Variants in MAML2 observed in about 807,000 individuals in gnomAD.
The protein encoded by MAML2 is mastermind-like protein 2.
Under a neutral mutation model 96.1 loss-of-function variants are expected in MAML2, and 22 were observed. That is an observed-to-expected ratio of 0.23 (90% CI 0.16 to 0.33). MAML2 has a LOEUF of 0.33. MAML2 is among the 10% of genes least tolerant of loss of function. The probability of loss-of-function intolerance (pLI) is 1.00; values close to 1 mark genes in which losing one functional copy is unlikely to be tolerated. For synonymous variants in MAML2, 561 were observed against 521.3 expected (o/e 1.08, Z -1.04); for missense variants, 1,367 against 1,392.4 (o/e 0.98, Z 0.29).
intron 1 of MAML2, among the ~76,000 whole-genome samples, chr11:96,233,123 A>AGG (rs1862319200): frequency 2.4e-5 from 1 of 42,230 alleles, no homozygotes; most frequent in East Asian, 5.4e-4. Context: ...CAAACAAAGA[A>AGG]AAAACAATAT....
chr11:96,165,068 T>C (rs1032056355), intron 1 of MAML2, among the ~76,000 whole-genome samples: 2 of 152,246 alleles, frequency 1.3e-5, no homozygotes, highest in African/African-American at 4.8e-5. Context: ...ATAAATTCTG[T>C]TAATTTTTCA....
At chr11:96,010,582 T>C (rs983428946) in intron 2 of MAML2, among the ~76,000 whole-genome samples, 4 of 152,102 alleles carry the variant, frequency 2.6e-5, no homozygotes, top group African/African-American at 9.7e-5. Context: ...CTGATTACAA[T>C]GTAGATGAGT....
At chr11:96,188,820 A>C (rs530798443) in intron 1 of MAML2, among the ~76,000 whole-genome samples, 1 of 152,256 alleles carries the variant, frequency 6.6e-6, no homozygotes, top group East Asian at 1.9e-4. Flanking sequence ...AACATCTCTG[A>C]AAGGAAGTGT....
At position 96,342,309 on chromosome 11, in the gene MAML2, AG is replaced by A. The variant is rs1240967924; in HGVS notation, c.-415del. On this transcript the variant is annotated 5_prime_UTR_variant, in exon 1 of 5. Transcript: ENST00000524717. ...GCAAGAGACAGAAACACACAGCAAA[AG>A]GTATTGAGAGAGGTATTAATAGAGA... The A allele has an allele frequency of 4.7e-6, 2 of 421,066 alleles. No homozygotes were observed. Among genetic ancestry groups the A allele is most frequent in the Non-Finnish European group, 8.4e-6 (2 of 238,410 alleles). The allele number at this position is 421,066 out of a possible 1,614,324, so 26.1% of individuals were successfully genotyped here.
chr11:96,290,690 C>A (rs543524500), intron 1 of MAML2, among the ~76,000 whole-genome samples: 1 of 152,100 alleles, frequency 6.6e-6, no homozygotes. Flanking sequence ...TTCTTACTTT[C>A]GAAAATTAGA....
intron 2 of MAML2, among the ~76,000 whole-genome samples, chr11:96,066,228 G>A (rs538592385): frequency 6.6e-6 from 1 of 152,298 alleles, no homozygotes; most frequent in East Asian, 1.9e-4. Flanking sequence ...CAGTGCTGAA[G>A]GGTCCTGTCA....
chr11:96,216,209 G>C (rs944206318), intron 1 of MAML2, among the ~76,000 whole-genome samples: 2 of 152,292 alleles, frequency 1.3e-5, no homozygotes, highest in Non-Finnish European at 2.9e-5. Flanking sequence ...TCTCAGTGTT[G>C]CACAGAGGGA....
At chr11:96,226,012 T>C (rs1279734584) in intron 1 of MAML2, among the ~76,000 whole-genome samples, 1 of 152,206 alleles carries the variant, frequency 6.6e-6, no homozygotes, top group Non-Finnish European at 1.5e-5. Flanking sequence ...TTCATTCAAT[T>C]AATTACATAT....
intron 2 of MAML2, among the ~76,000 whole-genome samples, chr11:96,008,023 T>TAA (rs369841167): frequency 1.2e-5 from 1 of 83,558 alleles, no homozygotes. Flanking sequence ...ACTTAAAGTA[T>TAA]AAAAAAAAAA....
intron 1 of MAML2, among the ~76,000 whole-genome samples, chr11:96,269,933 A>T (rs2135979137): frequency 6.9e-6 from 1 of 144,222 alleles, no homozygotes; most frequent in South Asian, 2.2e-4. Flanking sequence ...AGAGCTCAGA[A>T]ACCTCTCGTT....
At position 96,258,784 on chromosome 11, in the gene MAML2, C is replaced by T. The variant is rs992964604; in HGVS notation, c.513+82599G>A. Among the ~76,000 whole-genome samples the T allele has an allele frequency of 7.2e-5, 11 of 152,308 alleles. 1 individual carries two copies. Among genetic ancestry groups the T allele is most frequent in the Admixed American group, 6.5e-4 (10 of 15,302 alleles). On this transcript the variant is annotated intron_variant, in intron 1 of 4. Transcript: ENST00000524717. The stretch of plus-strand genomic sequence containing the variant: ...CGAAATTATAACAACAGTGAGAGAG[C>T]CAATGGGAGTCAGCCAGTAAGACTA...
At chr11:96,286,692 T>A (rs563689680) in intron 1 of MAML2, among the ~76,000 whole-genome samples, 1 of 151,986 alleles carries the variant, frequency 6.6e-6, no homozygotes, top group Admixed American at 6.6e-5. Flanking sequence ...TTGAATAAAT[T>A]ACTATGCCAA....
At chr11:96,281,049 T>C (rs577165915) in intron 1 of MAML2, among the ~76,000 whole-genome samples, 3 of 152,232 alleles carry the variant, frequency 2.0e-5, no homozygotes, top group Non-Finnish European at 4.4e-5. Context: ...ATCATTAATA[T>C]TAAAATGCAA....
chr11:96,000,861 C>T (rs1363658689), intron 2 of MAML2, among the ~76,000 whole-genome samples: 1 of 152,162 alleles, frequency 6.6e-6, no homozygotes, highest in Non-Finnish European at 1.5e-5. Context: ...AAAGTCTATT[C>T]GCTTGAAAGA....
intron 1 of MAML2, among the ~76,000 whole-genome samples, chr11:96,212,724 A>G (rs1204475890): frequency 1.3e-5 from 2 of 152,226 alleles, no homozygotes; most frequent in Non-Finnish European, 2.9e-5. Flanking sequence ...AGACGTTTAG[A>G]TAACTCATAA....
intron 1 of MAML2, among the ~76,000 whole-genome samples, chr11:96,250,286 G>GA (rs77221745): frequency 0.44 from 65,491 of 149,714 alleles, 14,585 homozygotes; most frequent in East Asian, 0.72. Context: ...TTTTTAAATT[G>GA]AAAAAAATGT....
intron 1 of MAML2, among the ~76,000 whole-genome samples, chr11:96,252,353 C>G (rs1303914846): frequency 6.6e-6 from 1 of 151,510 alleles, no homozygotes; most frequent in Non-Finnish European, 1.5e-5. Flanking sequence ...CTAATCCTCA[C>G]AATAATGAAA....
intron 1 of MAML2, among the ~76,000 whole-genome samples, chr11:96,201,289 G>A (rs1489179798): frequency 6.6e-6 from 1 of 152,140 alleles, no homozygotes; most frequent in East Asian, 1.9e-4. Flanking sequence ...GAGAGAGTAA[G>A]GGGAGGAGGA....
intron 1 of MAML2, among the ~76,000 whole-genome samples, chr11:96,179,362 C>T (rs368067332): frequency 1.3e-5 from 2 of 152,292 alleles, no homozygotes; most frequent in African/African-American, 4.8e-5. Context: ...AATATGACTT[C>T]GAGGTCCACA....
Sources: gnomAD v4.1 joint callset for allele counts (sites outside exome capture counted in the v4.1 genomes callset) on GRCh38, gnomAD v4.1.1 for gene constraint, MANE v1.5 for transcripts, NCBI Gene and HGNC (gene_info 2026-07-23, HGNC 2026-07-21) for gene names.